The following KIAA1217 variants were observed in gnomAD, a reference collection of about 807,000 sequenced individuals.
KIAA1217 encodes sickle tail protein homolog.
Under a neutral mutation model 163.9 loss-of-function variants are expected in KIAA1217, and 88 were observed. The ratio of observed to expected loss-of-function variants is 0.54; its 90% CI spans 0.45 to 0.64. KIAA1217 has a LOEUF of 0.64. Among genes scored for constraint, KIAA1217 ranks in the 30% least tolerant of loss-of-function variants. The pLI, the probability that KIAA1217 is intolerant of heterozygous loss-of-function variation, is 0.00. For synonymous variants in KIAA1217, 903 were observed against 923.1 expected (o/e 0.98, Z 0.39); for missense variants, 2,372 against 2,475.0 (o/e 0.96, Z 0.88).
chr10:24,461,226 T>C (rs1266005424), intron 5 of KIAA1217, among the ~76,000 whole-genome samples: 1 of 150,634 alleles, frequency 6.6e-6, no homozygotes, highest in Non-Finnish European at 1.5e-5. Context: ...TATATATACA[T>C]TTTAATTTTC....
At chr10:23,740,708 G>C (rs1163433343) in intron 1 of KIAA1217, among the ~76,000 whole-genome samples, 2 of 151,920 alleles carry the variant, frequency 1.3e-5, no homozygotes, top group African/African-American at 4.8e-5. Context: ...TGTCTCAGAG[G>C]ACCCCATCTC....
chr10:23,734,261 T>C (rs1047544071), intron 1 of KIAA1217, among the ~76,000 whole-genome samples: 2 of 151,538 alleles, frequency 1.3e-5, no homozygotes, highest in Non-Finnish European at 2.9e-5. Flanking sequence ...GAAGTTATCA[T>C]TGCCTTTGAA....
intron 2 of KIAA1217, among the ~76,000 whole-genome samples, chr10:24,091,303 G>A (rs1182655267): frequency 6.6e-6 from 1 of 151,844 alleles, no homozygotes; most frequent in Non-Finnish European, 1.5e-5. Flanking sequence ...CCCAGCGACT[G>A]GCATCCTCAT....
At chr10:23,999,572 C>T (rs933365805) in intron 1 of KIAA1217, among the ~76,000 whole-genome samples, 21 of 152,154 alleles carry the variant, frequency 1.4e-4, no homozygotes, top group East Asian at 9.7e-4. Context: ...ATGGGGAAGG[C>T]GGAGGGAAAC....
At chr10:24,190,153 C>T (rs2066649525) in intron 2 of KIAA1217, among the ~76,000 whole-genome samples, 2 of 152,052 alleles carry the variant, frequency 1.3e-5, no homozygotes, top group African/African-American at 4.8e-5. Flanking sequence ...GCAGGCGTTT[C>T]CCCTTGGTAT....
chr10:23,904,792 A>G (rs976411075), intron 1 of KIAA1217, among the ~76,000 whole-genome samples: 3 of 152,084 alleles, frequency 2.0e-5, no homozygotes, highest in East Asian at 3.9e-4. Flanking sequence ...CCACATCTAC[A>G]TTATCTTATT....
rs140219218 is a variant in KIAA1217, at chr10:24,008,104, A to G, written c.-171+730A>G. Among the ~76,000 whole-genome samples, 20 of 152,262 alleles carry G rather than the reference A, an allele frequency of 1.3e-4. 1 individual carries two copies. Among genetic ancestry groups the G allele is most frequent in the African/African-American group, 4.6e-4 (19 of 41,556 alleles). On this transcript the variant is annotated intron_variant, in intron 2 of 18. Coordinates refer to the KIAA1217 transcript ENST00000376462. Reference sequence around the variant, plus strand: ...ACAAAGTTTTCATACAGCCCTCAACATTCTGCCTGCAAGATGTAAAATTTT... The same window carrying G: ...ACAAAGTTTTCATACAGCCCTCAACGTTCTGCCTGCAAGATGTAAAATTTT...
intron 1 of KIAA1217, among the ~76,000 whole-genome samples, chr10:23,960,286 G>A (rs1251749320): frequency 6.6e-6 from 1 of 151,564 alleles, no homozygotes; most frequent in Non-Finnish European, 1.5e-5. Flanking sequence ...TGCTTCTGCT[G>A]TTTTCTCAAA....
At chr10:23,886,128 G>A (rs551466946) in intron 1 of KIAA1217, among the ~76,000 whole-genome samples, 1 of 151,914 alleles carries the variant, frequency 6.6e-6, no homozygotes, top group African/African-American at 2.4e-5. Flanking sequence ...GTTAGTAGAC[G>A]AATCATTATT....
chr10:24,257,354 G>T (rs138833038), intron 2 of KIAA1217, among the ~76,000 whole-genome samples: 2 of 152,100 alleles, frequency 1.3e-5, no homozygotes, highest in African/African-American at 4.8e-5. Context: ...GTGGAGGGAG[G>T]GTTGGAACCA....
intron 1 of KIAA1217, among the ~76,000 whole-genome samples, chr10:23,987,808 GT>G (rs1218190960): frequency 6.6e-6 from 1 of 152,006 alleles, no homozygotes; most frequent in Non-Finnish European, 1.5e-5. Context: ...TCATCTTATT[GT>G]TTTTTAAGTG....
intron 2 of KIAA1217, among the ~76,000 whole-genome samples, chr10:24,145,967 T>G (rs74874560): frequency 0.016 from 2,368 of 152,278 alleles, 68 homozygotes; most frequent in African/African-American, 0.054. Context: ...ACTGTTAATC[T>G]CCTTTGGCAA....
intron 1 of KIAA1217, among the ~76,000 whole-genome samples, chr10:23,825,895 G>T (rs1588896151): frequency 6.6e-6 from 1 of 152,150 alleles, no homozygotes; most frequent in Non-Finnish European, 1.5e-5. Flanking sequence ...GCAAAATGGG[G>T]TTAGCAGTAT....
At chr10:24,002,237 T>C (rs2131466878) in intron 1 of KIAA1217, among the ~76,000 whole-genome samples, 1 of 152,316 alleles carries the variant, frequency 6.6e-6, no homozygotes, top group South Asian at 2.1e-4. Flanking sequence ...TTACAGCTGG[T>C]AACTAGCAAC....
At chr10:24,074,478 C>A (rs908469581) in intron 2 of KIAA1217, among the ~76,000 whole-genome samples, 1 of 152,150 alleles carries the variant, frequency 6.6e-6, no homozygotes, top group African/African-American at 2.4e-5. Context: ...CTCTCTGATT[C>A]TTTCCCTTCT....
chr10:24,265,519 T>C (rs1433784094), intron 2 of KIAA1217, among the ~76,000 whole-genome samples: 1 of 152,150 alleles, frequency 6.6e-6, no homozygotes, highest in African/African-American at 2.4e-5. Flanking sequence ...GAACAAAGGC[T>C]CTTCATTCTT....
chr10:24,038,652 G>A (rs910839427), intron 2 of KIAA1217, among the ~76,000 whole-genome samples: 5 of 152,016 alleles, frequency 3.3e-5, no homozygotes, highest in African/African-American at 1.2e-4. Flanking sequence ...TCCAGTAGTT[G>A]CTAGCACCGG....
chr10:24,161,611 G>T (rs902868170), intron 2 of KIAA1217, among the ~76,000 whole-genome samples: 2 of 152,222 alleles, frequency 1.3e-5, no homozygotes, highest in Admixed American at 1.3e-4. Flanking sequence ...AAGTTATAAA[G>T]ATATAAGTTG....
At chr10:24,545,679 C>A in intron 20 of KIAA1217, 148 bp from the exon 21 acceptor site, 1 of 1,452,394 alleles carries the variant, frequency 6.9e-7, no homozygotes, top group African/African-American at 1.4e-5. Context: ...TCCAGTAGAG[C>A]ACAACAAGAC....
Sources: allele counts gnomAD v4.1 joint callset (sites outside exome capture counted in the v4.1 genomes callset), GRCh38; gene constraint gnomAD v4.1.1; transcripts MANE v1.5; gene names NCBI Gene and HGNC (gene_info 2026-07-23, HGNC 2026-07-21).